Variants in HERPUD2 observed in about 807,000 individuals in gnomAD.
HERPUD2 encodes HERPUD family member 2.
A neutral mutation model predicts 49.9 loss-of-function variants in HERPUD2; 13 were observed. The observed-to-expected ratio is 0.26, with a 90% confidence interval of 0.17 to 0.41. The LOEUF (loss-of-function observed/expected upper bound fraction) is 0.41. HERPUD2 is among the 10% of genes least tolerant of loss of function. HERPUD2 has a pLI of 1.00. For missense variants in HERPUD2, 449 were observed against 492.2 expected (o/e 0.91, Z 0.83); for synonymous variants, 172 against 171.4 (o/e 1.00, Z -0.03).
chr7:35,668,383 A>T (rs2115958076), intron 4 of HERPUD2, among the ~76,000 whole-genome samples: 1 of 152,300 alleles, frequency 6.6e-6, no homozygotes, highest in Middle Eastern at 3.4e-3. Flanking sequence ...AACTCCCTGA[A>T]GACCATCCCA....
chr7:35,666,759 G>A (rs184627018), intron 5 of HERPUD2, among the ~76,000 whole-genome samples: 60 of 152,312 alleles, frequency 3.9e-4, no homozygotes, highest in Middle Eastern at 3.4e-3. Flanking sequence ...CAAGGGGCCT[G>A]CTGTAATTGC....
At chr7:35,673,810 T>C (rs562164911) in intron 2 of HERPUD2, among the ~76,000 whole-genome samples, 1 of 152,320 alleles carries the variant, frequency 6.6e-6, no homozygotes, top group Non-Finnish European at 1.5e-5. Context: ...GATTTAGTTA[T>C]AAATTTACTT....
At chr7:35,673,358 G>C in intron 2 of HERPUD2, 80 bp from the exon 3 acceptor site, 1 of 1,058,910 alleles carries the variant, frequency 9.4e-7, no homozygotes. Context: ...CCTAATTATG[G>C]GTAAAATAAA....
intron 2 of HERPUD2, among the ~76,000 whole-genome samples, chr7:35,682,655 C>T (rs1405571311): frequency 1.3e-5 from 2 of 151,484 alleles, no homozygotes; most frequent in Non-Finnish European, 2.9e-5. Context: ...TGATCGTTTA[C>T]CTAGAAAATC....
At chr7:35,642,505 C>A (rs534284527) in intron 5 of HERPUD2, among the ~76,000 whole-genome samples, 1 of 152,268 alleles carries the variant, frequency 6.6e-6, no homozygotes, top group South Asian at 2.1e-4. Flanking sequence ...AAGACATATG[C>A]ATGTGAATGT....
intron 3 of HERPUD2, 135 bp downstream of exon 3, chr7:35,673,064 TTA>T (rs756154624): frequency 8.5e-6 from 5 of 590,410 alleles, no homozygotes; most frequent in Middle Eastern, 3.7e-4. Flanking sequence ...ACTTTCTAAT[TTA>T]TCTTTACTTG....
At chr7:35,668,821 A>G (rs1385061112) in intron 4 of HERPUD2, among the ~76,000 whole-genome samples, 1 of 152,200 alleles carries the variant, frequency 6.6e-6, no homozygotes, top group African/African-American at 2.4e-5. Flanking sequence ...TACAATTATT[A>G]GAAGAAAAGC....
intron 4 of HERPUD2, among the ~76,000 whole-genome samples, chr7:35,667,843 C>T (rs956975801): frequency 2.0e-5 from 3 of 152,012 alleles, no homozygotes; most frequent in African/African-American, 7.2e-5. Context: ...TAATAATATA[C>T]AAAAACAGCA....
intron 5 of HERPUD2, among the ~76,000 whole-genome samples, chr7:35,648,420 T>C (rs533678770): frequency 6.6e-6 from 1 of 152,284 alleles, no homozygotes; most frequent in Admixed American, 6.5e-5. Flanking sequence ...CTCATAACAG[T>C]AGACTGCTGA....
At chr7:35,650,792 C>G (rs1341535918) in intron 5 of HERPUD2, among the ~76,000 whole-genome samples, 1 of 152,162 alleles carries the variant, frequency 6.6e-6, no homozygotes, top group East Asian at 1.9e-4. Context: ...CCCAGCCCTC[C>G]CAGTAACAGG....
chr7:35,634,274 C>G, intron 8 of HERPUD2, 38 bp downstream of exon 8: 1 of 1,306,090 alleles, frequency 7.7e-7, no homozygotes, highest in Non-Finnish European at 1.1e-6. Flanking sequence ...CTGGGAAAAT[C>G]TCAGTATCTT....
chr7:35,640,116 G>A (rs1784944809), intron 5 of HERPUD2, among the ~76,000 whole-genome samples: 1 of 152,116 alleles, frequency 6.6e-6, no homozygotes, highest in Admixed American at 6.5e-5. Context: ...TACCACTGAG[G>A]CAGAGAAGTA....
At chr7:35,661,352 G>A (rs956041376) in intron 5 of HERPUD2, among the ~76,000 whole-genome samples, 1 of 152,122 alleles carries the variant, frequency 6.6e-6, no homozygotes, top group Non-Finnish European at 1.5e-5. Context: ...GGACTGACTT[G>A]GCAATGCGGG....
chr7:35,643,834 TAA>T (rs979220337), intron 5 of HERPUD2, among the ~76,000 whole-genome samples: 1 of 143,832 alleles, frequency 7.0e-6, no homozygotes, highest in African/African-American at 2.5e-5. Context: ...AGAAAGCTGT[TAA>T]AAAAAAAAAA....
At chr7:35,681,370 T>G (rs1421422036) in intron 2 of HERPUD2, among the ~76,000 whole-genome samples, 1 of 152,128 alleles carries the variant, frequency 6.6e-6, no homozygotes, top group Non-Finnish European at 1.5e-5. Flanking sequence ...GGTAGGAATG[T>G]AAATGGGTTC....
At chr7:35,684,307 G>A (rs967909094) in intron 2 of HERPUD2, among the ~76,000 whole-genome samples, 16 of 151,768 alleles carry the variant, frequency 1.1e-4, no homozygotes, top group African/African-American at 2.2e-4. Flanking sequence ...GGAGAATGGC[G>A]TGAACCCGGG....
intron 5 of HERPUD2, among the ~76,000 whole-genome samples, chr7:35,643,736 T>C (rs1458833854): frequency 6.6e-6 from 1 of 150,746 alleles, no homozygotes; most frequent in African/African-American, 2.4e-5. Flanking sequence ...AAAATGAAAA[T>C]AAGCCTCTCT....
intron 6 of HERPUD2, among the ~76,000 whole-genome samples, chr7:35,636,714 G>C (rs1784876149): frequency 6.6e-6 from 1 of 152,180 alleles, no homozygotes. Flanking sequence ...TCATAAAGCA[G>C]CTTAGCTTTA....
At chr7:35,650,522 C>T (rs1304883232) in intron 5 of HERPUD2, among the ~76,000 whole-genome samples, 3 of 152,126 alleles carry the variant, frequency 2.0e-5, no homozygotes, top group Admixed American at 2.0e-4. Flanking sequence ...AGAGTCCAAC[C>T]CCCAGCGGGC....
Sources: gnomAD v4.1 joint callset for allele counts (sites outside exome capture counted in the v4.1 genomes callset) on GRCh38, gnomAD v4.1.1 for gene constraint, MANE v1.5 for transcripts, NCBI Gene and HGNC (gene_info 2026-07-23, HGNC 2026-07-21) for gene names.